Variants in DOK5 observed in about 807,000 individuals in gnomAD.
DOK5 encodes the protein docking protein 5, also known as downstream of tyrosine kinase 5.
DOK5 carries 27 observed loss-of-function variants against 43.3 expected under a neutral mutation model. The observed-to-expected ratio is 0.62, with a 90% CI of 0.46 to 0.86. The LOEUF is 0.86. DOK5 is among the 40% of genes least tolerant of loss of function. The pLI, the probability that DOK5 is intolerant of heterozygous loss-of-function variation, is 0.00. For synonymous variants in DOK5, 146 were observed against 140.1 expected (o/e 1.04, Z -0.30); for missense variants, 373 against 392.9 (o/e 0.95, Z 0.43).
At position 54,475,842 on chromosome 20, in the gene DOK5, C is replaced by T; in HGVS notation, c.-105C>T. ...CGCCGCCGAAGCAGCTTCACCTCTCCAACTTTCTCCCACCGACTGCTTGTC... is the reference window on the plus strand; with the variant it reads ...CGCCGCCGAAGCAGCTTCACCTCTCTAACTTTCTCCCACCGACTGCTTGTC... On this transcript the variant is annotated 5_prime_UTR_variant, in exon 1 of 8. Transcript: ENST00000262593. This position sits in a 1 kb window ranked among gnomAD's most constrained non-coding sequence, Gnocchi z 4.2. The T allele has an allele frequency of 7.0e-7, 1 of 1,430,808 alleles. No individual in the cohort carries two copies. The highest frequency in any genetic ancestry group is 2.0e-5 in the Admixed American group (1 of 51,210). 88.6% of individuals were successfully genotyped at this position (1,430,808 alleles called of 1,614,324 possible).
intron 6 of DOK5, among the ~76,000 whole-genome samples, chr20:54,629,974 C>T (rs945999764): frequency 1.3e-5 from 2 of 152,162 alleles, no homozygotes; most frequent in African/African-American, 2.4e-5. Flanking sequence ...AACTGTGAGT[C>T]GGGTCCTGTC....
At chr20:54,493,081 A>G (rs34553644) in intron 1 of DOK5, among the ~76,000 whole-genome samples, 2 of 141,064 alleles carry the variant, frequency 1.4e-5, no homozygotes, top group South Asian at 2.1e-4. Context: ...AAAAAAAAAA[A>G]GGGATGTGTT....
rs545604734 is a variant in DOK5 at position 54,587,962 on chromosome 20, AT to A, written c.175-520del. ...TCGTTTCTGAGACTCTTGACGCTGT[AT>A]CTCTGACTGGTAAAGAGTGAAATAA... On this transcript the variant is annotated intron_variant, in intron 2 of 7. Coordinates refer to ENST00000262593, the MANE Select transcript of DOK5 (RefSeq NM_018431.5). 3.7e-3 allele frequency among the ~76,000 whole-genome samples: 563 copies of A among 152,310 alleles called. 3 individuals are homozygous for A. Among genetic ancestry groups the A allele is most frequent in the African/African-American group, 0.013 (553 of 41,564 alleles).
chr20:54,618,973 T>C (rs1986898530), intron 6 of DOK5, among the ~76,000 whole-genome samples: 1 of 139,460 alleles, frequency 7.2e-6, no homozygotes, highest in African/African-American at 2.6e-5. Flanking sequence ...GCTATGATAG[T>C]GCTACTGCCC....
chr20:54,538,740 CT>C (rs1438796609), intron 1 of DOK5, among the ~76,000 whole-genome samples: 1 of 152,122 alleles, frequency 6.6e-6, no homozygotes, highest in Admixed American at 6.5e-5. Context: ...GAAATAATGA[CT>C]TATGGTCACA....
intron 1 of DOK5, among the ~76,000 whole-genome samples, chr20:54,483,249 A>G (rs1981798283): frequency 6.6e-6 from 1 of 152,230 alleles, no homozygotes; most frequent in Non-Finnish European, 1.5e-5. Context: ...TTTTGAAATC[A>G]TATTTATTAG....
intron 7 of DOK5, among the ~76,000 whole-genome samples, chr20:54,647,413 G>T (rs1046391175): frequency 6.6e-6 from 1 of 151,768 alleles, no homozygotes; most frequent in African/African-American, 2.4e-5. Flanking sequence ...GCTGAGGTGG[G>T]AGAATCGCTT....
At chr20:54,591,918 T>C (rs1015460299) in intron 5 of DOK5, 113 bp downstream of exon 5, 2 of 864,698 alleles carry the variant, frequency 2.3e-6, no homozygotes, top group Admixed American at 6.5e-5. Context: ...CCAGCTGAAG[T>C]ACACTTGAGG....
At chr20:54,587,569 T>C (rs1340628399) in intron 2 of DOK5, among the ~76,000 whole-genome samples, 1 of 152,180 alleles carries the variant, frequency 6.6e-6, no homozygotes, top group Non-Finnish European at 1.5e-5. Flanking sequence ...TGAAGCCACC[T>C]AAGGCTTCGC....
At chr20:54,570,162 C>T (rs1295432088) in intron 2 of DOK5, among the ~76,000 whole-genome samples, 1 of 152,122 alleles carries the variant, frequency 6.6e-6, no homozygotes, top group Non-Finnish European at 1.5e-5. Flanking sequence ...TATACAACAT[C>T]TTTTGGAAAT....
rs574905064 is a variant in DOK5 at position 54,588,900 on chromosome 20, G to A, written c.409+94G>A. On this transcript the variant is annotated intron_variant, in intron 4 of 7. Coordinates refer to ENST00000262593, the MANE Select transcript of DOK5 (RefSeq NM_018431.5). ...CATCTTCATTATGTAAAGTTTTTGG[G>A]GTATAAAAATGTATAAAGAAATAAG... The A allele has an allele frequency of 7.3e-6, 10 of 1,374,254 alleles. No individual in the cohort carries two copies. In the East Asian group the frequency reaches 2.5e-4, roughly 34 times the overall value. 85.1% of individuals were successfully genotyped at this position (1,374,254 alleles called of 1,614,324 possible).
chr20:54,610,282 TAA>T, intron 5 of DOK5, 104 bp from the exon 6 acceptor site: 1 of 1,170,420 alleles, frequency 8.5e-7, no homozygotes, highest in Non-Finnish European at 1.1e-6. Flanking sequence ...TGAACAAGAA[TAA>T]AAAATAATAA....
intron 1 of DOK5, among the ~76,000 whole-genome samples, chr20:54,517,308 T>A (rs1983230842): frequency 6.6e-6 from 1 of 152,218 alleles, no homozygotes; most frequent in Non-Finnish European, 1.5e-5. Flanking sequence ...AATCAGATGC[T>A]ATTTTACAGA....
At chr20:54,511,254 A>C (rs1047308589) in intron 1 of DOK5, among the ~76,000 whole-genome samples, 4 of 152,174 alleles carry the variant, frequency 2.6e-5, no homozygotes, top group African/African-American at 9.7e-5. Flanking sequence ...GATATACTAC[A>C]TAGAGCTGTT....
chr20:54,507,252 T>G (rs566125303), intron 1 of DOK5, among the ~76,000 whole-genome samples: 1 of 151,996 alleles, frequency 6.6e-6, no homozygotes, highest in Non-Finnish European at 1.5e-5. Context: ...AATAACTACA[T>G]AGAAAATAAA....
intron 6 of DOK5, among the ~76,000 whole-genome samples, chr20:54,626,646 TATC>T (rs1176002382): frequency 1.3e-5 from 2 of 152,208 alleles, no homozygotes; most frequent in Non-Finnish European, 2.9e-5. Context: ...GTACCCATAT[TATC>T]CTGTACAGAT....
chr20:54,646,872 C>T (rs1425709646), intron 7 of DOK5, among the ~76,000 whole-genome samples: 1 of 147,068 alleles, frequency 6.8e-6, no homozygotes, highest in Non-Finnish European at 1.5e-5. Context: ...GCCAATTCAC[C>T]TACATTGATG....
At chr20:54,562,568 G>A (rs1162279890) in intron 2 of DOK5, among the ~76,000 whole-genome samples, 1 of 152,020 alleles carries the variant, frequency 6.6e-6, no homozygotes, top group Admixed American at 6.6e-5. Flanking sequence ...ACAGGCGTGC[G>A]CCACCATGCC....
At chr20:54,533,006 C>T (rs564284820) in intron 1 of DOK5, among the ~76,000 whole-genome samples, 1 of 152,338 alleles carries the variant, frequency 6.6e-6, no homozygotes, top group East Asian at 1.9e-4. Context: ...GTGACAAGTA[C>T]TTTGGTTGTA....
Sources: allele counts gnomAD v4.1 joint callset (sites outside exome capture counted in the v4.1 genomes callset), GRCh38; gene constraint gnomAD v4.1.1; non-coding constraint Gnocchi (gnomAD v3.1); transcripts MANE v1.5; gene names NCBI Gene and HGNC (gene_info 2026-07-23, HGNC 2026-07-21).